The following SOX6 variants were observed in gnomAD, a reference collection of about 807,000 sequenced individuals.
The protein encoded by SOX6 is SRY-box transcription factor 6.
SOX6 carries 11 observed loss-of-function variants against 97.8 expected under a neutral mutation model. The ratio of observed to expected loss-of-function variants is 0.11; its 90% CI spans 0.07 to 0.19. The LOEUF (loss-of-function observed/expected upper bound fraction) is 0.19. SOX6 is among the 10% of genes least tolerant of loss of function. SOX6 has a pLI of 1.00. For synonymous variants in SOX6, 360 were observed against 371.4 expected, an observed-to-expected ratio of 0.97 and a Z score of 0.35; for missense variants, 810 against 1,039.5, an observed-to-expected ratio of 0.78 and a Z score of 3.04.
chr11:16,296,417 G>T (rs1855090784), intron 3 of SOX6, among the ~76,000 whole-genome samples: 1 of 152,122 alleles, frequency 6.6e-6, no homozygotes. Context: ...TAACAACTAA[G>T]ACATGAGCAG....
chr11:16,525,520 A>G (rs1337851318), intron 4 of SOX6, among the ~76,000 whole-genome samples: 4 of 152,156 alleles, frequency 2.6e-5, no homozygotes, highest in East Asian at 1.9e-4. Context: ...ACATAAAACC[A>G]TAAAAACCCT....
intron 3 of SOX6, among the ~76,000 whole-genome samples, chr11:16,692,052 T>TGTGC (rs1554900980): frequency 8.1e-6 from 1 of 123,006 alleles, no homozygotes; most frequent in Non-Finnish European, 1.7e-5. Flanking sequence ...TTGATTTGCG[T>TGTGC]GTGCGTGTGT....
chr11:16,494,347 G>C (rs1250861595), intron 4 of SOX6, among the ~76,000 whole-genome samples: 1 of 152,106 alleles, frequency 6.6e-6, no homozygotes, highest in Non-Finnish European at 1.5e-5. Flanking sequence ...TTGCACTCCA[G>C]CCTGGGCCAC....
At chr11:16,132,969 T>C (rs1849858973) in intron 6 of SOX6, among the ~76,000 whole-genome samples, 1 of 152,132 alleles carries the variant, frequency 6.6e-6, no homozygotes, top group Non-Finnish European at 1.5e-5. Context: ...ATATTATTCA[T>C]TCAGAGACAG....
chr11:16,485,602 G>A (rs906471903), intron 4 of SOX6, among the ~76,000 whole-genome samples: 4 of 151,442 alleles, frequency 2.6e-5, no homozygotes, highest in East Asian at 4.0e-4. Flanking sequence ...ATGGTGGCAC[G>A]TGGCTATAAT....
intron 4 of SOX6, among the ~76,000 whole-genome samples, chr11:16,532,499 A>G (rs2133170512): frequency 6.6e-6 from 1 of 152,040 alleles, no homozygotes; most frequent in South Asian, 2.1e-4. Context: ...AATCTTGCTC[A>G]CTTAATAATA....
intron 4 of SOX6, among the ~76,000 whole-genome samples, chr11:16,493,470 T>A (rs1860541860): frequency 6.6e-6 from 1 of 152,100 alleles, no homozygotes; most frequent in Non-Finnish European, 1.5e-5. Context: ...GGTAATGATG[T>A]TTTTTCCCTT....
At chr11:16,534,624 A>G (rs1009232203) in intron 4 of SOX6, among the ~76,000 whole-genome samples, 1 of 152,176 alleles carries the variant, frequency 6.6e-6, no homozygotes, top group Non-Finnish European at 1.5e-5. Flanking sequence ...CACTCATAGA[A>G]TGGCTGAGCA....
chr11:16,361,279 A>G (rs559930700), upstream of SOX6, among the ~76,000 whole-genome samples: 10 of 152,278 alleles, frequency 6.6e-5, 1 homozygote, highest in African/African-American at 2.4e-4. Flanking sequence ...CTTTACAATA[A>G]AACCTTCACT....
intron 1 of SOX6, among the ~76,000 whole-genome samples, chr11:16,383,033 T>G (rs1259210916): frequency 2.0e-5 from 3 of 151,966 alleles, no homozygotes; most frequent in African/African-American, 7.2e-5. Context: ...TATACAATGG[T>G]GTATTAGCTT....
At chr11:16,636,873 T>C (rs1848797786) in intron 3 of SOX6, among the ~76,000 whole-genome samples, 1 of 152,310 alleles carries the variant, frequency 6.6e-6, no homozygotes, top group South Asian at 2.1e-4. Flanking sequence ...CCTTCTGCCA[T>C]GAGTGTAAGT....
At chr11:16,221,697 T>C (rs74347074) in intron 4 of SOX6, among the ~76,000 whole-genome samples, 2,229 of 152,286 alleles carry the variant, frequency 0.015, 26 homozygotes, top group African/African-American at 0.022. Context: ...GGAAAACTTC[T>C]ATCTGCCATC....
At chr11:16,717,623 A>AACATTT (rs1187307680) in intron 2 of SOX6, among the ~76,000 whole-genome samples, 3 of 152,134 alleles carry the variant, frequency 2.0e-5, no homozygotes, top group African/African-American at 7.2e-5. Context: ...ACAGATATAG[A>AACATTT]ACATTTGTAT....
chr11:16,275,698 ATAGAGTTGGAAT>A (rs1854380954), intron 3 of SOX6, among the ~76,000 whole-genome samples: 1 of 152,202 alleles, frequency 6.6e-6, no homozygotes, highest in East Asian at 1.9e-4. Context: ...AGAGATAGCA[ATAGAGTTGGAAT>A]TGGAGTAGCA....
intron 1 of SOX6, among the ~76,000 whole-genome samples, chr11:16,438,256 G>C (rs1859426020): frequency 6.6e-6 from 1 of 152,022 alleles, no homozygotes; most frequent in Admixed American, 6.6e-5. Context: ...ATAGAAATAA[G>C]TGTAACCATT....
intron 1 of SOX6, among the ~76,000 whole-genome samples, chr11:16,452,877 T>C (rs1590209657): frequency 6.6e-6 from 1 of 152,154 alleles, no homozygotes; most frequent in East Asian, 1.9e-4. Context: ...CTCAAACCAA[T>C]ATTCCCTTTT....
At chr11:16,544,363 A>G (rs1354054637) in intron 4 of SOX6, among the ~76,000 whole-genome samples, 1 of 152,074 alleles carries the variant, frequency 6.6e-6, no homozygotes, top group African/African-American at 2.4e-5. Context: ...GGGCTCAACA[A>G]TCCTCCCACC....
chr11:16,232,017 C>T (rs1852867932), intron 4 of SOX6, among the ~76,000 whole-genome samples: 2 of 151,382 alleles, frequency 1.3e-5, no homozygotes, highest in South Asian at 4.2e-4. Context: ...TTGTATGTTT[C>T]TTACAGATAA....
At chr11:16,190,832 T>C (rs1851612161) in intron 4 of SOX6, among the ~76,000 whole-genome samples, 1 of 152,230 alleles carries the variant, frequency 6.6e-6, no homozygotes, top group African/African-American at 2.4e-5. Flanking sequence ...CTGTACCCAC[T>C]GTATTTGTTC....
Sources: gnomAD v4.1 joint callset for allele counts (sites outside exome capture counted in the v4.1 genomes callset) on GRCh38, gnomAD v4.1.1 for gene constraint, MANE v1.5 for transcripts, NCBI Gene and HGNC (gene_info 2026-07-23, HGNC 2026-07-21) for gene names.